The following SYT3 variants were observed in gnomAD, a reference collection of about 807,000 sequenced individuals.
SYT3 encodes synaptotagmin-3.
A neutral mutation model predicts 50.6 loss-of-function variants in SYT3; 25 were observed. The ratio of observed to expected loss-of-function variants is 0.49; its 90% CI spans 0.36 to 0.69. The LOEUF is 0.69. Ranked by LOEUF, SYT3 falls within the 30% of genes least tolerant of loss-of-function variation. SYT3 has a pLI of 0.00. For missense variants in SYT3, 589 were observed against 793.6 expected (o/e 0.74, Z 3.10); for synonymous variants, 323 against 353.9 (o/e 0.91, Z 0.98).
chr19:50,654,577 G>T, the SYT3 span, among the ~76,000 whole-genome samples: 45 of 151,522 alleles, frequency 3.0e-4, no homozygotes, highest in Non-Finnish European at 4.9e-4. Context: ...GATTACAGGA[G>T]TGAGCCACTG....
At chr19:50,651,845 T>C in the SYT3 span, among the ~76,000 whole-genome samples, 22 of 152,340 alleles carry the variant, frequency 1.4e-4, no homozygotes, top group Middle Eastern at 6.8e-3. Flanking sequence ...TTAAAATCAC[T>C]GTTGTAACTA....
At chr19:50,645,324 G>A in the SYT3 span, among the ~76,000 whole-genome samples, 48,118 of 152,042 alleles carry the variant, frequency 0.32, 8,343 homozygotes, top group African/African-American at 0.47. Flanking sequence ...CAGAGAGACA[G>A]GCAAGGCGAC....
chr19:50,650,201 G>C, the SYT3 span, among the ~76,000 whole-genome samples: 1 of 152,200 alleles, frequency 6.6e-6, no homozygotes. Flanking sequence ...GAGACCCAAA[G>C]CTCCAGCCTG....
chr19:50,642,944 C>T (rs936058300), upstream of SYT3, among the ~76,000 whole-genome samples: 1 of 152,186 alleles, frequency 6.6e-6, no homozygotes, highest in Non-Finnish European at 1.5e-5. Flanking sequence ...TTAGTGTTGT[C>T]ATAAATAAAA....
Position 50,625,698 on chromosome 19 carries a change from G to C in SYT3, c.1403-134C>G. Reference sequence around the variant, plus strand: ...CAGGCCCCCAGTCCCTCCTTCCTCAGGCCCAAGAGTCCAGACCCCAGGTCC... The same window carrying C: ...CAGGCCCCCAGTCCCTCCTTCCTCACGCCCAAGAGTCCAGACCCCAGGTCC... On this transcript the variant is annotated intron_variant, in intron 7 of 10. Transcript: ENST00000600079. This position sits in a 1 kb window ranked among gnomAD's most constrained non-coding sequence, Gnocchi z 7.5. 7.1e-7 allele frequency: 1 copy of C among 1,401,396 alleles called. No individual in the cohort carries two copies. The highest frequency in any genetic ancestry group is 9.5e-7 in the Non-Finnish European group (1 of 1,047,814). 86.8% of individuals were successfully genotyped at this position (1,401,396 alleles called of 1,614,324 possible).
chr19:50,647,361 G>T, the SYT3 span, among the ~76,000 whole-genome samples: 1 of 151,990 alleles, frequency 6.6e-6, no homozygotes, highest in African/African-American at 2.4e-5. Context: ...GTGGGGAGAG[G>T]AATGAGGGCG....
chr19:50,638,772 AG>A (rs3840925), intron 2 of SYT3, among the ~76,000 whole-genome samples: 17,825 of 151,834 alleles, frequency 0.12, 1,371 homozygotes, highest in Admixed American at 0.19. Context: ...AAAAGGAGAC[AG>A]GAGGGCTGGG....
chr19:50,652,822 C>T, the SYT3 span, among the ~76,000 whole-genome samples: 1 of 151,968 alleles, frequency 6.6e-6, no homozygotes, highest in African/African-American at 2.4e-5. Flanking sequence ...AGTTAGGAGA[C>T]CAGGTGAGAG....
intron 4 of SYT3, among the ~76,000 whole-genome samples, chr19:50,631,318 TTTTG>T (rs1305987252): frequency 1.3e-5 from 2 of 151,820 alleles, no homozygotes; most frequent in East Asian, 1.9e-4. Context: ...GCCCGGCTAT[TTTTG>T]TTTGTTTGTT....
chr19:50,639,812 T>TGCCGCC lies in SYT3; in HGVS notation c.-182_-177dup, dbSNP rs968917236. 1.6e-5 allele frequency: 1 copy of TGCCGCC among 62,142 alleles called. No individual in the cohort carries two copies. The highest frequency in any genetic ancestry group is 3.3e-5 in the Non-Finnish European group (1 of 30,144). 3.8% of individuals were successfully genotyped at this position (62,142 alleles called of 1,614,324 possible). A position where few individuals can be genotyped will look rare whatever the true frequency, so the allele number is the denominator to read the frequency against. ...CACCCGGAGCCGCCGCTGCCGCCGCTGCCGCCGCCGCCGCCGCCGCAGCCC... is the reference window on the plus strand; with the variant it reads ...CACCCGGAGCCGCCGCTGCCGCCGCTGCCGCCGCCGCCGCCGCCGCCGCCGCAGCCC... On this transcript the variant is annotated 5_prime_UTR_variant, in exon 1 of 11. Transcript: ENST00000600079. The surrounding 1 kb of genome is among the most constrained non-coding windows in gnomAD (Gnocchi z 4.6).
chr19:50,647,721 G>A, the SYT3 span, among the ~76,000 whole-genome samples: 3 of 152,212 alleles, frequency 2.0e-5, 1 homozygote, highest in East Asian at 3.9e-4. Flanking sequence ...AGGAGAGGAC[G>A]AGGTCTGAGT....
the SYT3 span, among the ~76,000 whole-genome samples, chr19:50,650,408 C>G: frequency 2.0e-5 from 3 of 152,228 alleles, no homozygotes; most frequent in South Asian, 6.2e-4. Context: ...TGGTGGCTCA[C>G]GCCTATAATC....
the SYT3 span, chr19:50,649,444 G>C: frequency 1.3e-5 from 20 of 1,536,214 alleles, no homozygotes; most frequent in Non-Finnish European, 1.7e-5. Flanking sequence ...ACCTTCCCAG[G>C]ATGCAGCCAG....
chr19:50,627,208 G>A (rs1158409009), intron 6 of SYT3, among the ~76,000 whole-genome samples: 1 of 152,158 alleles, frequency 6.6e-6, no homozygotes, highest in Non-Finnish European at 1.5e-5. Flanking sequence ...ATCTGCCCAG[G>A]CTGTCCCTCT....
At chr19:50,656,290 C>T in the SYT3 span, 1,107 of 1,536,186 alleles carry the variant, frequency 7.2e-4, 2 homozygotes, top group Admixed American at 3.0e-3. Flanking sequence ...CCCGTGCATC[C>T]GGAAGTTCCC....
At chr19:50,626,963 G>C (rs779514756) in intron 6 of SYT3, among the ~76,000 whole-genome samples, 26 of 151,992 alleles carry the variant, frequency 1.7e-4, no homozygotes, top group Non-Finnish European at 3.5e-4. Flanking sequence ...GAGAGAGAGA[G>C]AGAGAGAGGC....
chr19:50,623,909 A>C (rs1202771347), intron 9 of SYT3, among the ~76,000 whole-genome samples: 1 of 152,060 alleles, frequency 6.6e-6, no homozygotes, highest in Non-Finnish European at 1.5e-5. Flanking sequence ...GGCCAGTCTC[A>C]TGCCACATCA....
the SYT3 span, among the ~76,000 whole-genome samples, chr19:50,653,463 T>A: frequency 6.6e-6 from 1 of 151,970 alleles, no homozygotes; most frequent in Non-Finnish European, 1.5e-5. Context: ...GAGGCCGGTA[T>A]GACTGGAAGA....
chr19:50,644,345 T>C (rs758551219), upstream of SYT3, among the ~76,000 whole-genome samples: 2 of 151,718 alleles, frequency 1.3e-5, no homozygotes, highest in East Asian at 3.9e-4. Context: ...AAGGAATGGA[T>C]AGATGAAAGA....
Sources: gnomAD v4.1 joint callset for allele counts (sites outside exome capture counted in the v4.1 genomes callset) on GRCh38, gnomAD v4.1.1 for gene constraint, Gnocchi (gnomAD v3.1) non-coding constraint, MANE v1.5 for transcripts, NCBI Gene and HGNC (gene_info 2026-07-23, HGNC 2026-07-21) for gene names.